The following BCKDHB variants were observed in gnomAD, a reference collection of about 807,000 sequenced individuals.
The protein encoded by BCKDHB is branched chain keto acid dehydrogenase E1 subunit beta, also known as 2-oxoisovalerate dehydrogenase subunit beta, mitochondrial.
BCKDHB carries 41 observed loss-of-function variants against 48.5 expected under a neutral mutation model. That is an observed-to-expected ratio of 0.85 (90% confidence interval 0.66 to 1.10). The LOEUF (loss-of-function observed/expected upper bound fraction) is 1.10, where lower values mean the gene tolerates loss of function less well. BCKDHB is among the 50% of genes least tolerant of loss of function. The pLI, the probability that BCKDHB is intolerant of heterozygous loss-of-function variation, is 0.00. For missense variants in BCKDHB, 496 were observed against 494.2 expected, an observed-to-expected ratio of 1.00 and a Z score of -0.03; for synonymous variants, 201 against 174.8, an observed-to-expected ratio of 1.15 and a Z score of -1.18.
chr6:80,303,736 AC>A (rs1767704919), intron 9 of BCKDHB, among the ~76,000 whole-genome samples: 1 of 151,964 alleles, frequency 6.6e-6, no homozygotes, highest in Non-Finnish European at 1.5e-5. Context: ...CAGCAAATAG[AC>A]CTAAGGAACT....
chr6:80,406,051 C>A, the BCKDHB span, among the ~76,000 whole-genome samples: 1 of 152,156 alleles, frequency 6.6e-6, no homozygotes, highest in African/African-American at 2.4e-5. Context: ...GTTCAATTCC[C>A]ACCTATGAAT....
At chr6:80,131,776 G>A (rs1318679871) in intron 3 of BCKDHB, among the ~76,000 whole-genome samples, 2 of 151,928 alleles carry the variant, frequency 1.3e-5, no homozygotes, top group Admixed American at 1.3e-4. Flanking sequence ...CTGAGTAGCT[G>A]GGACTACAGC....
At chr6:80,185,395 A>G (rs1373488515) in intron 6 of BCKDHB, among the ~76,000 whole-genome samples, 1 of 151,864 alleles carries the variant, frequency 6.6e-6, no homozygotes, top group East Asian at 1.9e-4. Flanking sequence ...TACCTTAATA[A>G]TCAACCTTCT....
intron 9 of BCKDHB, among the ~76,000 whole-genome samples, chr6:80,338,393 G>T (rs2179840): frequency 1.3e-5 from 2 of 151,676 alleles, no homozygotes; most frequent in Non-Finnish European, 2.9e-5. Flanking sequence ...TCCAGCCCCC[G>T]ACCCCGGAAC....
In BCKDHB at chr6:80,194,331, C is replaced by T. The variant is rs748356645; in HGVS notation, c.743-6603C>T. Among the ~76,000 whole-genome samples, 3 of 152,120 alleles carry T rather than the reference C, an allele frequency of 2.0e-5. No homozygotes were observed. In the East Asian group the frequency reaches 5.8e-4, roughly 29 times the overall value. On this transcript the variant is annotated intron_variant, in intron 6 of 9. Coordinates refer to ENST00000320393, the MANE Select transcript of BCKDHB (RefSeq NM_183050.4). ...ATGTACCTTTCACTCAGCATTCCCC[C>T]ATGTTAACCTCATACATAACCACGG...
chr6:80,373,294 T>C, the BCKDHB span, among the ~76,000 whole-genome samples: 4 of 151,378 alleles, frequency 2.6e-5, no homozygotes, highest in African/African-American at 9.6e-5. Flanking sequence ...GGTTGACATA[T>C]CTCCTGTTTC....
At chr6:80,370,855 T>C in the BCKDHB span, among the ~76,000 whole-genome samples, 1 of 151,836 alleles carries the variant, frequency 6.6e-6, no homozygotes, top group South Asian at 2.1e-4. Context: ...TGTGTGTATA[T>C]ATATAGATCA....
the BCKDHB span, among the ~76,000 whole-genome samples, chr6:80,449,939 T>C: frequency 6.6e-6 from 1 of 152,216 alleles, no homozygotes; most frequent in African/African-American, 2.4e-5. Flanking sequence ...CAGAGCAATC[T>C]CAATGGTGAC....
At chr6:80,359,536 C>T in the BCKDHB span, among the ~76,000 whole-genome samples, 1 of 152,202 alleles carries the variant, frequency 6.6e-6, no homozygotes, top group Non-Finnish European at 1.5e-5. Context: ...TTTAATGCCA[C>T]CTCAGGAGGG....
At chr6:80,410,954 TCA>T in the BCKDHB span, among the ~76,000 whole-genome samples, 1 of 152,214 alleles carries the variant, frequency 6.6e-6, no homozygotes. Flanking sequence ...TGTCAACTTG[TCA>T]CAGTCATTCT....
At chr6:80,107,252 A>G (rs893251355) in intron 1 of BCKDHB, among the ~76,000 whole-genome samples, 1 of 149,870 alleles carries the variant, frequency 6.7e-6, no homozygotes, top group Non-Finnish European at 1.5e-5. Flanking sequence ...CAGCCTGGCC[A>G]GGACTGGGCC....
chr6:80,135,037 C>T (rs1031259105), intron 3 of BCKDHB, among the ~76,000 whole-genome samples: 2 of 152,134 alleles, frequency 1.3e-5, no homozygotes, highest in African/African-American at 4.8e-5. Flanking sequence ...TAGGTGTGAG[C>T]CACCACACTT....
At chr6:80,443,302 A>G in the BCKDHB span, 1 of 152,170 alleles carries the variant, frequency 6.6e-6, no homozygotes, top group Non-Finnish European at 1.5e-5. Flanking sequence ...TCAATAAGAT[A>G]AAGTGGAATT....
At chr6:80,165,725 G>A (rs1772537548) in intron 3 of BCKDHB, among the ~76,000 whole-genome samples, 1 of 152,186 alleles carries the variant, frequency 6.6e-6, no homozygotes, top group Non-Finnish European at 1.5e-5. Flanking sequence ...CGAATGGATC[G>A]TCTAAAGGGT....
chr6:80,337,303 A>G (rs1769642163), intron 9 of BCKDHB, among the ~76,000 whole-genome samples: 1 of 152,136 alleles, frequency 6.6e-6, no homozygotes, highest in Non-Finnish European at 1.5e-5. Flanking sequence ...GAGTTCACGG[A>G]CTTCAAAAGT....
chr6:80,443,957 C>A, the BCKDHB span, among the ~76,000 whole-genome samples: 4 of 151,566 alleles, frequency 2.6e-5, no homozygotes, highest in Non-Finnish European at 5.9e-5. Flanking sequence ...CTGATTGAAC[C>A]AAGTTTAAAA....
At chr6:80,409,028 C>T in the BCKDHB span, among the ~76,000 whole-genome samples, 3 of 152,102 alleles carry the variant, frequency 2.0e-5, no homozygotes, top group Admixed American at 2.0e-4. Context: ...AAATTTCCCT[C>T]TATACAGTGC....
rs187897645 is a variant in BCKDHB, at chr6:80,281,738, C to T, written c.1038+8517C>T. 6.6e-5 allele frequency among the ~76,000 whole-genome samples: 10 copies of T among 152,268 alleles called. No homozygotes were observed. In the East Asian group the frequency reaches 1.9e-3, roughly 29 times the overall value. On this transcript the variant is annotated intron_variant, in intron 9 of 9. Transcript: ENST00000320393. ...AGCCTGCCTGTCTTCTCCCTCTCCT[C>T]CCTGCCCCTCTCCCTGTCCTCATTC...
At chr6:80,398,667 G>A in the BCKDHB span, among the ~76,000 whole-genome samples, 2 of 150,580 alleles carry the variant, frequency 1.3e-5, no homozygotes, top group Non-Finnish European at 2.9e-5. Flanking sequence ...GTACAACAAA[G>A]AGCTGGTACT....
Sources: gnomAD v4.1 joint callset for allele counts (sites outside exome capture counted in the v4.1 genomes callset) on GRCh38, gnomAD v4.1.1 for gene constraint, MANE v1.5 for transcripts, NCBI Gene and HGNC (gene_info 2026-07-23, HGNC 2026-07-21) for gene names.